Variants in EXOC6 observed in about 807,000 individuals in gnomAD.
EXOC6 encodes the protein exocyst complex component 6, also known as SEC15-like 1.
EXOC6 carries 60 observed loss-of-function variants against 112.5 expected under a neutral mutation model. That is an observed-to-expected ratio of 0.53 (90% CI 0.43 to 0.66). The LOEUF (loss-of-function observed/expected upper bound fraction) is 0.66, where lower values mean the gene tolerates loss of function less well. Ranked by LOEUF, EXOC6 falls within the 30% of genes least tolerant of loss-of-function variation. The pLI, the probability that EXOC6 is intolerant of heterozygous loss-of-function variation, is 0.00. For missense variants in EXOC6, 855 were observed against 957.1 expected (o/e 0.89, Z 1.41); for synonymous variants, 295 against 308.0 (o/e 0.96, Z 0.44).
chr10:92,869,309 TTA>T (rs1848326745), intron 1 of EXOC6, among the ~76,000 whole-genome samples: 1 of 146,618 alleles, frequency 6.8e-6, no homozygotes. Flanking sequence ...GCCCTTTCTT[TTA>T]AAAAAAAAAA....
At chr10:92,938,447 CTAAT>C (rs1015276318) in intron 12 of EXOC6, among the ~76,000 whole-genome samples, 4 of 152,068 alleles carry the variant, frequency 2.6e-5, no homozygotes, top group African/African-American at 9.7e-5. Flanking sequence ...TTCATGAAAA[CTAAT>C]TAAAGAATGT....
At chr10:92,860,497 G>A (rs1233425233) in intron 1 of EXOC6, among the ~76,000 whole-genome samples, 3 of 151,884 alleles carry the variant, frequency 2.0e-5, no homozygotes, top group Non-Finnish European at 4.4e-5. Context: ...TCCTGACCTC[G>A]TGATCCACCC....
rs562060684 is a variant in EXOC6, at chr10:92,864,620, G to A, written c.101+15986G>A. 7.3e-5 allele frequency among the ~76,000 whole-genome samples: 11 copies of A among 151,506 alleles called. No homozygotes were observed. In the South Asian group the frequency reaches 1.5e-3, roughly 20 times the overall value. ...GACTGAGTAAAGAAGGTCTGCCATCGCCAATGTGGGTGGACATTCAATCCA... is the reference window on the plus strand; with the variant it reads ...GACTGAGTAAAGAAGGTCTGCCATCACCAATGTGGGTGGACATTCAATCCA... On this transcript the variant is annotated intron_variant, in intron 1 of 21. Coordinates refer to ENST00000260762, the MANE Select transcript of EXOC6 (RefSeq NM_019053.6).
chr10:92,977,963 G>A (rs1356911881), intron 18 of EXOC6, among the ~76,000 whole-genome samples: 1 of 152,038 alleles, frequency 6.6e-6, no homozygotes, highest in Admixed American at 6.6e-5. Flanking sequence ...ATTTTGTATG[G>A]CTTTAGCTGA....
chr10:92,964,743 A>C (rs1256586762), intron 17 of EXOC6, among the ~76,000 whole-genome samples: 1 of 152,214 alleles, frequency 6.6e-6, no homozygotes, highest in Non-Finnish European at 1.5e-5. Flanking sequence ...AGTGACACTG[A>C]GATGTCCAAA....
intron 9 of EXOC6, among the ~76,000 whole-genome samples, chr10:92,933,695 G>A (rs1211037260): frequency 6.6e-6 from 1 of 152,052 alleles, no homozygotes; most frequent in Non-Finnish European, 1.5e-5. Flanking sequence ...ATAAACAATA[G>A]GCAATCATAA....
In EXOC6 at chr10:92,848,574, A is replaced by G; in HGVS notation, c.41A>G (p.His14Arg). 1 of 1,451,546 alleles carries G rather than the reference A, an allele frequency of 6.9e-7. No individual in the cohort carries two copies. Among genetic ancestry groups the G allele is most frequent in the Non-Finnish European group, 9.2e-7 (1 of 1,084,918 alleles). The allele number at this position is 1,451,546 out of a possible 1,614,324, so 89.9% of individuals were successfully genotyped here. The change falls in exon 1 of 22, where the codon CAC (histidine) becomes CGC (arginine). Residue 14 changes from histidine to arginine, a missense_variant. Physicochemically the swap from His to Arg is conservative, Grantham distance 29 (BLOSUM62 0). This residue lies in a region of EXOC6 where 405 missense variants were observed against 393.6 expected (regional missense o/e 1.03). Coordinates refer to ENST00000260762, the MANE Select transcript of EXOC6 (RefSeq NM_019053.6). ...NSESLGTVPE[H>R]ERILQEIEST... The stretch of plus-strand genomic sequence containing the variant: ...GAGAGTCTGGGCACCGTCCCCGAGC[A>G]CGAGCGGATCTTGCAGGAGATCGAG...
chr10:92,854,276 A>G (rs1017376198), intron 1 of EXOC6, among the ~76,000 whole-genome samples: 3 of 151,996 alleles, frequency 2.0e-5, no homozygotes, highest in African/African-American at 7.3e-5. Flanking sequence ...CGTCTCTACT[A>G]AAATACAAAA....
At chr10:92,926,626 C>T (rs750084663) in intron 8 of EXOC6, among the ~76,000 whole-genome samples, 2 of 151,992 alleles carry the variant, frequency 1.3e-5, no homozygotes, top group Non-Finnish European at 2.9e-5. Context: ...CTTGAACTCC[C>T]AAACTCAAAC....
chr10:92,878,041 G>A (rs753293588), intron 1 of EXOC6: 4 of 154,990 alleles, frequency 2.6e-5, no homozygotes, highest in Admixed American at 6.6e-5. Flanking sequence ...TAAACTGGAT[G>A]ATGGTAGAGA....
At chr10:92,848,189 C>T (rs1046598492), upstream of EXOC6, among the ~76,000 whole-genome samples, 3 of 152,108 alleles carry the variant, frequency 2.0e-5, no homozygotes, top group Admixed American at 6.5e-5. Context: ...CTACGGTACC[C>T]CCGCGTGTGG....
intron 1 of EXOC6, among the ~76,000 whole-genome samples, chr10:92,837,708 A>G (rs536483352): frequency 5.9e-5 from 9 of 152,232 alleles, no homozygotes; most frequent in African/African-American, 2.2e-4. Context: ...TATAAGCTAT[A>G]AGGGTTGAGA....
rs1003921472 is a variant in EXOC6 at position 92,858,017 on chromosome 10, C to T, written c.101+9383C>T. ...TACCATATGTAAGATTTTTAGTTGA[C>T]GGGTTCCCCCCCTCCGCCGGCCAGC... is the stretch of plus-strand genomic sequence containing the variant. On this transcript the variant is annotated intron_variant, in intron 1 of 21. Transcript: ENST00000260762. Among the ~76,000 whole-genome samples, 45 of 128,568 alleles carry T rather than the reference C, an allele frequency of 3.5e-4. 3 individuals are homozygous for T. Among genetic ancestry groups the T allele is most frequent in the Admixed American group, 2.6e-3 (33 of 12,532 alleles). The allele number at this position is 128,568 out of a possible 152,430, so 84.3% of individuals were successfully genotyped here. A position where few individuals can be genotyped will look rare whatever the true frequency, so the allele number is the denominator to read the frequency against.
intron 1 of EXOC6, among the ~76,000 whole-genome samples, chr10:92,876,886 C>T (rs970550338): frequency 1.3e-5 from 2 of 152,206 alleles, no homozygotes; most frequent in Admixed American, 1.3e-4. Flanking sequence ...TCCTTTCCTA[C>T]TTTCCCTTTT....
chr10:92,868,294 A>G (rs2133709434), intron 1 of EXOC6, among the ~76,000 whole-genome samples: 1 of 152,212 alleles, frequency 6.6e-6, no homozygotes, highest in South Asian at 2.1e-4. Flanking sequence ...CAACCCAGCT[A>G]TCCTAGTACC....
At chr10:92,894,432 A>G (rs959158616) in intron 2 of EXOC6, among the ~76,000 whole-genome samples, 3 of 152,212 alleles carry the variant, frequency 2.0e-5, no homozygotes, top group Admixed American at 6.5e-5. Flanking sequence ...TGCAATCACC[A>G]TTTCCTACAG....
At chr10:92,848,519 C>G (rs1399802750), upstream of EXOC6, 17 of 1,367,632 alleles carry the variant, frequency 1.2e-5, no homozygotes, top group Non-Finnish European at 1.4e-5. Flanking sequence ...GCTGGCTCCT[C>G]AGCTTCCAGC....
Position 92,997,511 on chromosome 10 carries a change from A to G in EXOC6, c.1991A>G (p.Gln664Arg). The G allele has an allele frequency of 6.2e-7, 1 of 1,612,520 alleles. No homozygotes were observed. The highest frequency in any genetic ancestry group is 8.5e-7 in the Non-Finnish European group (1 of 1,179,102). Residue 664 changes from glutamine (Q) to arginine (R), a missense_variant, in exon 19 of 22, where the codon CAG becomes CGG. By Grantham distance (43) the Gln-to-Arg change is conservative. Transcript: ENST00000260762. ...VAQTACMSAC[Q>R]HLSTSLMQML... The stretch of plus-strand genomic sequence containing the variant: ...CAGACAGCTTGCATGTCAGCCTGCC[A>G]GCATCTGTCAACATCCTTAATGCAG...
At chr10:92,988,826 C>CACAA (rs1162414752) in intron 18 of EXOC6, among the ~76,000 whole-genome samples, 1 of 151,794 alleles carries the variant, frequency 6.6e-6, no homozygotes, top group African/African-American at 2.4e-5. Flanking sequence ...CACACACACA[C>CACAA]ACACACACAC....
Sources: allele counts gnomAD v4.1 joint callset (sites outside exome capture counted in the v4.1 genomes callset), GRCh38; gene constraint gnomAD v4.1.1; regional missense constraint gnomAD v4.1.1; transcripts MANE v1.5; gene names NCBI Gene and HGNC (gene_info 2026-07-23, HGNC 2026-07-21).